Variants in ITK observed in about 807,000 individuals in gnomAD.
ITK encodes IL2 inducible T cell kinase.
ITK carries 45 observed loss-of-function variants against 87.6 expected under a neutral mutation model. That is an observed-to-expected ratio of 0.51 (90% confidence interval 0.40 to 0.66). The LOEUF is 0.66. ITK is among the 30% of genes least tolerant of loss of function. ITK has a pLI of 0.00. For missense variants in ITK, 605 were observed against 766.3 expected (o/e 0.79, Z 2.48); for synonymous variants, 303 against 273.6 (o/e 1.11, Z -1.06).
intron 1 of ITK, among the ~76,000 whole-genome samples, chr5:157,201,159 T>C (rs540692735): frequency 3.3e-5 from 5 of 152,206 alleles, no homozygotes; most frequent in Non-Finnish European, 5.9e-5. Context: ...CTCTTTGTGA[T>C]AAAACCCCCA....
chr5:157,209,468 G>A (rs1171142497), intron 2 of ITK, among the ~76,000 whole-genome samples: 1 of 152,040 alleles, frequency 6.6e-6, no homozygotes, highest in Non-Finnish European at 1.5e-5. Context: ...ACATTTATTT[G>A]TTAATTCTTT....
At chr5:157,235,725 A>G (rs1026650548) in intron 8 of ITK, among the ~76,000 whole-genome samples, 2 of 152,244 alleles carry the variant, frequency 1.3e-5, no homozygotes, top group Non-Finnish European at 1.5e-5. Flanking sequence ...CTCTTAAAGT[A>G]TAATGCAGCA....
chr5:157,214,866 GCCT>G (rs1754267768), intron 4 of ITK, among the ~76,000 whole-genome samples: 1 of 151,972 alleles, frequency 6.6e-6, no homozygotes, highest in South Asian at 2.1e-4. Context: ...ATTTCTCCTT[GCCT>G]CCTCTTCAAA....
chr5:157,201,767 T>G (rs928472192), intron 1 of ITK, among the ~76,000 whole-genome samples: 1 of 151,646 alleles, frequency 6.6e-6, no homozygotes, highest in African/African-American at 2.4e-5. Context: ...TGTAAGGAAC[T>G]TCCTAAAAAC....
chr5:157,187,830 T>G (rs1753675918), intron 1 of ITK, among the ~76,000 whole-genome samples: 1 of 151,926 alleles, frequency 6.6e-6, no homozygotes. Flanking sequence ...CCCAGAACCT[T>G]GCTCTGTTGC....
At chr5:157,213,637 C>G (rs1420756583) in intron 3 of ITK, 1 of 442,446 alleles carries the variant, frequency 2.3e-6, no homozygotes, top group East Asian at 7.0e-5. Flanking sequence ...TTGCCTCGGC[C>G]TACGAAAGTA....
chr5:157,219,266 T>A (rs1232980308), intron 5 of ITK, among the ~76,000 whole-genome samples: 1 of 151,886 alleles, frequency 6.6e-6, no homozygotes, highest in Non-Finnish European at 1.5e-5. Context: ...GCGCTCACCA[T>A]CATGCCCGGC....
chr5:157,212,156 A>G (rs1271546463), intron 3 of ITK, among the ~76,000 whole-genome samples: 1 of 152,176 alleles, frequency 6.6e-6, no homozygotes, highest in African/African-American at 2.4e-5. Flanking sequence ...TTTTGACTAA[A>G]AACAGTCATG....
chr5:157,244,235 A>G (rs1243306695), intron 12 of ITK, 27 bp from the exon 13 acceptor site: 1 of 1,587,902 alleles, frequency 6.3e-7, no homozygotes, highest in Non-Finnish European at 8.7e-7. Flanking sequence ...AGTTTAGGCC[A>G]TCTCACCCCT....
chr5:157,196,191 A>G (rs1753852848), intron 1 of ITK, among the ~76,000 whole-genome samples: 1 of 152,210 alleles, frequency 6.6e-6, no homozygotes, highest in African/African-American at 2.4e-5. Context: ...CATTTCTAGA[A>G]GTGGAATTGC....
intron 13 of ITK, 75 bp downstream of exon 13, chr5:157,244,553 T>A: frequency 3.5e-6 from 3 of 845,694 alleles, no homozygotes; most frequent in Non-Finnish European, 6.1e-6. Context: ...TGGGAACGCA[T>A]TAATAAATAA....
intron 1 of ITK, among the ~76,000 whole-genome samples, chr5:157,203,458 A>G (rs758902264): frequency 1.3e-5 from 2 of 152,228 alleles, no homozygotes; most frequent in Non-Finnish European, 2.9e-5. Flanking sequence ...GGAGCTCAGG[A>G]CCTAGTAGGT....
At chr5:157,247,617 A>G (rs13187882) in intron 15 of ITK, among the ~76,000 whole-genome samples, 2,493 of 152,322 alleles carry the variant, frequency 0.016, 29 homozygotes, top group Non-Finnish European at 0.027. Flanking sequence ...TGTCTAGGAT[A>G]TATTATCTGA....
At position 157,241,713 on chromosome 5, in the gene ITK, G is replaced by C. The variant is rs769875966; in HGVS notation, c.1053G>C (p.Leu351=). Residue 351 remains leucine (L), a synonymous_variant, in exon 11 of 17, where the codon CTG becomes CTC. Transcript: ENST00000422843. ...GRQKAPVTAG[L]RYGKWVIDPS... ...AGAAAGCCCCAGTTACAGCAGGGCT[G>C]AGATACGGTGAGCAGTACAATCAGG... The C allele has an allele frequency of 6.2e-7, 1 of 1,612,014 alleles. No homozygotes were observed. Among genetic ancestry groups the C allele is most frequent in the East Asian group, 2.2e-5 (1 of 44,872 alleles).
At chr5:157,184,586 A>G (rs1359945112) in intron 1 of ITK, among the ~76,000 whole-genome samples, 5 of 152,202 alleles carry the variant, frequency 3.3e-5, no homozygotes, top group Non-Finnish European at 5.9e-5. Context: ...GGAATAAAGC[A>G]TCATAGATTG....
rs768763459 is a variant in ITK at position 157,222,970 on chromosome 5, G to A, written c.603G>A (p.Leu201=). The change falls in exon 6 of 17, where the codon CTG becomes CTA. Residue 201 remains leucine (L), a synonymous_variant. Coordinates refer to ENST00000422843, the MANE Select transcript of ITK (RefSeq NM_005546.4). ...GGCGCAACGAAGAGTACTGCCTGCT[G>A]GACAGTTCTGAGATTCACTGGTGGA... ...ALRRNEEYCL[L]DSSEIHWWRV... is the part of the protein sequence containing the mutation. The A allele has an allele frequency of 1.9e-6, 3 of 1,614,058 alleles. No homozygotes were observed. The highest frequency in any genetic ancestry group is 1.7e-6 in the Non-Finnish European group (2 of 1,180,008).
Position 157,252,810 on chromosome 5 carries a change from C to T in ITK, c.*132C>T, listed in dbSNP as rs1238125183. 1 of 744,688 alleles carries T rather than the reference C, an allele frequency of 1.3e-6. No individual in the cohort carries two copies. Among genetic ancestry groups the T allele is most frequent in the Non-Finnish European group, 2.4e-6 (1 of 413,222 alleles). 46.1% of individuals were successfully genotyped at this position (744,688 alleles called of 1,614,324 possible). Reference sequence around the variant, plus strand: ...GCAGCCTGGCCTGTGGCATCAGTCCCTGAGTCACCATGGAAGCAGCATCCT... The same window carrying T: ...GCAGCCTGGCCTGTGGCATCAGTCCTTGAGTCACCATGGAAGCAGCATCCT... On this transcript the variant is annotated 3_prime_UTR_variant, in exon 17 of 17. Coordinates refer to ENST00000422843, the MANE Select transcript of ITK (RefSeq NM_005546.4).
At chr5:157,213,749 T>A (rs921242019) in intron 3 of ITK, 1 of 348,838 alleles carries the variant, frequency 2.9e-6, no homozygotes, top group African/African-American at 2.1e-5. Flanking sequence ...ACCAAAATCT[T>A]ACTTCAAAGC....
intron 3 of ITK, 36 bp downstream of exon 3, chr5:157,211,404 T>G (rs769395752): frequency 2.7e-6 from 4 of 1,506,600 alleles, no homozygotes; most frequent in Non-Finnish European, 2.8e-6. Context: ...TCACTGACAC[T>G]CTTGATCCTA....
Sources: gnomAD v4.1 joint callset for allele counts (sites outside exome capture counted in the v4.1 genomes callset) on GRCh38, gnomAD v4.1.1 for gene constraint, MANE v1.5 for transcripts, NCBI Gene and HGNC (gene_info 2026-07-23, HGNC 2026-07-21) for gene names.